Variants in ZNF398 observed in about 807,000 individuals in gnomAD.
The protein encoded by ZNF398 is zinc finger protein 398.
In ZNF398, 18 loss-of-function variants were observed where a neutral mutation model predicts 41.9. That is an observed-to-expected ratio of 0.43 (90% CI 0.30 to 0.64). The LOEUF is 0.64. ZNF398 is among the 30% of genes least tolerant of loss of function. ZNF398 has a pLI of 0.14. For missense variants in ZNF398, 669 were observed against 822.8 expected (o/e 0.81, Z 2.29); for synonymous variants, 260 against 308.8 (o/e 0.84, Z 1.66).
chr7:149,129,677 G>A (rs1032830453), intron 2 of ZNF398, among the ~76,000 whole-genome samples: 1 of 152,022 alleles, frequency 6.6e-6, no homozygotes, highest in African/African-American at 2.4e-5. Context: ...ACTGCGCCTG[G>A]CCTACAACAG....
chr7:149,177,842 G>C (rs1354119760), intron 5 of ZNF398, among the ~76,000 whole-genome samples: 1 of 152,140 alleles, frequency 6.6e-6, no homozygotes, highest in Non-Finnish European at 1.5e-5. Flanking sequence ...CATAGAAGAG[G>C]TACAGTGTTA....
At chr7:149,156,892 A>T (rs1794992887) in intron 2 of ZNF398, among the ~76,000 whole-genome samples, 1 of 151,612 alleles carries the variant, frequency 6.6e-6, no homozygotes, top group Admixed American at 6.6e-5. Context: ...TTATAAATTT[A>T]CTGTGTGGTA....
At chr7:149,171,532 C>G (rs559125715) in intron 4 of ZNF398, among the ~76,000 whole-genome samples, 1 of 151,314 alleles carries the variant, frequency 6.6e-6, no homozygotes, top group Non-Finnish European at 1.5e-5. Context: ...CCCCCACGCC[C>G]GGCTAATTTT....
intron 1 of ZNF398, among the ~76,000 whole-genome samples, chr7:149,150,471 T>G (rs1217515134): frequency 6.6e-6 from 1 of 152,016 alleles, no homozygotes. Flanking sequence ...TGGTGGTGTG[T>G]GCCTGTGGTC....
intron 3 of ZNF398, 135 bp downstream of exon 3, chr7:149,166,419 G>A (rs1259544455): frequency 3.8e-6 from 4 of 1,048,780 alleles, no homozygotes; most frequent in African/African-American, 3.2e-5. Context: ...GCCAAAATAT[G>A]ACCAATTAAT....
At chr7:149,176,252 G>A (rs536525064) in intron 4 of ZNF398, among the ~76,000 whole-genome samples, 3 of 151,952 alleles carry the variant, frequency 2.0e-5, no homozygotes, top group Admixed American at 6.6e-5. Context: ...CTGAGGCAGC[G>A]GGGAGAATGG....
chr7:149,172,800 AC>A (rs1795374833), intron 4 of ZNF398, among the ~76,000 whole-genome samples: 1 of 152,240 alleles, frequency 6.6e-6, no homozygotes, highest in Admixed American at 6.5e-5. Context: ...TCAGTTCCAG[AC>A]TACTGCAATA....
chr7:149,179,397 C>G lies in ZNF398; in HGVS notation c.1525C>G (p.Arg509Gly). The G allele has an allele frequency of 6.2e-7, 1 of 1,613,806 alleles. No homozygotes were observed. Among genetic ancestry groups the G allele is most frequent in the Non-Finnish European group, 8.5e-7 (1 of 1,180,044 alleles). The change falls in exon 6 of 6, where the codon CGT (arginine) becomes GGT (glycine). Residue 509 changes from arginine (R) to glycine (G), a missense_variant. Physicochemically the swap from Arg to Gly is moderately radical, Grantham distance 125. Coordinates refer to ENST00000475153, the MANE Select transcript of ZNF398 (RefSeq NM_170686.3). The surrounding 1 kb of genome is among the most constrained non-coding windows in gnomAD (Gnocchi z 6.1). Reference sequence around the variant, plus strand: ...CCACCAGATGATCCACACAGGCGAGCGTCCTTACCCCTGCACTGACTGCAG... The same window carrying G: ...CCACCAGATGATCCACACAGGCGAGGGTCCTTACCCCTGCACTGACTGCAG... Reference protein sequence around the residue: ...IRHQMIHTGERPYPCTDCSKS... With the variant: ...IRHQMIHTGEGPYPCTDCSKS...
At chr7:149,176,899 G>T (rs548433785) in intron 5 of ZNF398, among the ~76,000 whole-genome samples, 3 of 152,300 alleles carry the variant, frequency 2.0e-5, no homozygotes, top group East Asian at 3.9e-4. Context: ...GGTAGAAAAC[G>T]TGGGAGTGGG....
At chr7:149,178,504 C>T in intron 5 of ZNF398, 144 bp from the exon 6 acceptor site, 3 of 685,764 alleles carry the variant, frequency 4.4e-6, no homozygotes, top group South Asian at 3.7e-5. Flanking sequence ...CCACAGAGAC[C>T]ACAGATGTCT....
chr7:149,139,211 AT>A (rs913752007), intron 2 of ZNF398, among the ~76,000 whole-genome samples: 34 of 146,482 alleles, frequency 2.3e-4, no homozygotes, highest in African/African-American at 3.0e-4. Context: ...CGCCCAGCCA[AT>A]TTTTTTTTTT....
chr7:149,166,306 T>G, intron 3 of ZNF398, 22 bp downstream of exon 3: 1 of 1,579,666 alleles, frequency 6.3e-7, no homozygotes, highest in Non-Finnish European at 8.6e-7. Flanking sequence ...TTGACACCTT[T>G]TGAATGAAGT....
intron 2 of ZNF398, among the ~76,000 whole-genome samples, chr7:149,160,866 C>T (rs1470672910): frequency 6.6e-6 from 1 of 151,976 alleles, no homozygotes; most frequent in Non-Finnish European, 1.5e-5. Context: ...TTCAGTACCC[C>T]ATATAGTTTT....
chr7:149,140,618 G>C (rs1047964935), intron 2 of ZNF398, among the ~76,000 whole-genome samples: 1 of 151,998 alleles, frequency 6.6e-6, no homozygotes, highest in East Asian at 1.9e-4. Flanking sequence ...TCCTGACCTC[G>C]GGTGATCCAC....
chr7:149,162,394 G>T (rs1795127980), intron 2 of ZNF398, among the ~76,000 whole-genome samples: 2 of 152,242 alleles, frequency 1.3e-5, no homozygotes, highest in South Asian at 4.1e-4. Flanking sequence ...ATGTTAGCCA[G>T]GATGGTCTCG....
chr7:149,126,836 C>T (rs1056908479), intron 1 of ZNF398, among the ~76,000 whole-genome samples: 3 of 152,164 alleles, frequency 2.0e-5, no homozygotes, highest in Non-Finnish European at 2.9e-5. Context: ...GGGCATGTCC[C>T]GTCGGGGACG....
intron 2 of ZNF398, among the ~76,000 whole-genome samples, chr7:149,132,204 T>C (rs1826610445): frequency 6.7e-6 from 1 of 150,132 alleles, no homozygotes; most frequent in African/African-American, 2.5e-5. Context: ...CTTTTTTTTT[T>C]TTTTTTTTGA....
upstream of ZNF398, among the ~76,000 whole-genome samples, chr7:149,146,106 C>T (rs1313972300): frequency 2.0e-5 from 3 of 152,136 alleles, no homozygotes; most frequent in African/African-American, 7.2e-5. Context: ...ACACCACGCC[C>T]GGCTAATTTT....
At chr7:149,163,079 G>A (rs1250872508) in intron 2 of ZNF398, among the ~76,000 whole-genome samples, 1 of 152,202 alleles carries the variant, frequency 6.6e-6, no homozygotes. Context: ...ATACAGGTGT[G>A]ACAGTTGGCT....
Sources: gnomAD v4.1 joint callset for allele counts (sites outside exome capture counted in the v4.1 genomes callset) on GRCh38, gnomAD v4.1.1 for gene constraint, Gnocchi (gnomAD v3.1) non-coding constraint, MANE v1.5 for transcripts, NCBI Gene and HGNC (gene_info 2026-07-23, HGNC 2026-07-21) for gene names.